Variants in PHACTR4 observed in about 807,000 individuals in gnomAD.
PHACTR4 encodes the protein protein phosphatase 1, regulatory subunit 124.
PHACTR4 carries 51 observed loss-of-function variants against 72.7 expected under a neutral mutation model. That is an observed-to-expected ratio of 0.70 (90% CI 0.56 to 0.89). The LOEUF (loss-of-function observed/expected upper bound fraction) is 0.89. PHACTR4 is among the 40% of genes least tolerant of loss of function. The probability of loss-of-function intolerance (pLI) is 0.00; values close to 1 mark genes in which losing one functional copy is unlikely to be tolerated. For missense variants in PHACTR4, 731 were observed against 861.8 expected (o/e 0.85, Z 1.90); for synonymous variants, 255 against 302.5 (o/e 0.84, Z 1.63).
chr1:28,424,709 C>T (rs566963708), intron 2 of PHACTR4, among the ~76,000 whole-genome samples: 1 of 151,548 alleles, frequency 6.6e-6, no homozygotes, highest in East Asian at 1.9e-4. Context: ...AGGATGGTCT[C>T]GATATCCTGA....
At chr1:28,405,485 C>T (rs1654254566) in intron 1 of PHACTR4, among the ~76,000 whole-genome samples, 1 of 151,730 alleles carries the variant, frequency 6.6e-6, no homozygotes, top group Admixed American at 6.6e-5. Context: ...GGCCACCATG[C>T]CCAGCTAATT....
At chr1:28,493,925 A>G (rs1661182855) in intron 13 of PHACTR4, among the ~76,000 whole-genome samples, 1 of 152,206 alleles carries the variant, frequency 6.6e-6, no homozygotes, top group African/African-American at 2.4e-5. Context: ...AAGAAATCCA[A>G]CAAAGCCAAC....
chr1:28,470,869 A>T (rs1326871371), intron 6 of PHACTR4, among the ~76,000 whole-genome samples: 2 of 151,066 alleles, frequency 1.3e-5, no homozygotes, highest in Admixed American at 1.3e-4. Flanking sequence ...ACTAAAAATT[A>T]AAAAAATTAG....
At chr1:28,426,146 G>A (rs577266402) in intron 2 of PHACTR4, among the ~76,000 whole-genome samples, 59 of 152,092 alleles carry the variant, frequency 3.9e-4, no homozygotes, top group Non-Finnish European at 7.1e-4. Context: ...GCTTGAACCC[G>A]GGAGGCGGAG....
intron 2 of PHACTR4, among the ~76,000 whole-genome samples, chr1:28,417,951 A>C (rs1232158423): frequency 1.2e-5 from 1 of 82,258 alleles, no homozygotes; most frequent in African/African-American, 4.3e-5. Flanking sequence ...GACCCTACAA[A>C]AAAAAAAAAA....
intron 1 of PHACTR4, among the ~76,000 whole-genome samples, chr1:28,382,366 C>T (rs1311815412): frequency 3.3e-5 from 5 of 151,790 alleles, no homozygotes; most frequent in African/African-American, 7.3e-5. Context: ...TGCAGTGGCA[C>T]GATCTTGGCT....
Position 28,388,079 on chromosome 1 carries a change from T to C in PHACTR4, c.-39+18254T>C, listed in dbSNP as rs537448786. 3.4e-4 allele frequency among the ~76,000 whole-genome samples: 51 copies of C among 152,048 alleles called. 1 individual carries two copies. In the South Asian group the frequency reaches 0.011, roughly 32 times the overall value. On this transcript the variant is annotated intron_variant, in intron 1 of 13. Transcript: ENST00000373839. ...GGCAACGTGGGCCTGTGGTCTCAGCTACTTGGGAGCCTAAGGCAGGAAGAT... is the reference window on the plus strand; with the variant it reads ...GGCAACGTGGGCCTGTGGTCTCAGCCACTTGGGAGCCTAAGGCAGGAAGAT...
intron 1 of PHACTR4, among the ~76,000 whole-genome samples, chr1:28,389,057 A>G (rs191042536): frequency 2.0e-4 from 31 of 152,314 alleles, no homozygotes; most frequent in Admixed American, 3.9e-4. Context: ...AGCAAGGGAA[A>G]CAACAGAATG....
intron 8 of PHACTR4, 99 bp downstream of exon 8, chr1:28,476,390 T>G: frequency 2.0e-5 from 24 of 1,187,186 alleles, no homozygotes; most frequent in Non-Finnish European, 2.5e-5. Context: ...AACAGGTACC[T>G]TCTCCCATTA....
intron 9 of PHACTR4, among the ~76,000 whole-genome samples, chr1:28,484,214 A>G (rs1660475463): frequency 6.6e-6 from 1 of 152,026 alleles, no homozygotes; most frequent in Non-Finnish European, 1.5e-5. Context: ...CCAGCTACTC[A>G]GGACACTGAG....
intron 2 of PHACTR4, chr1:28,457,193 C>T: frequency 2.7e-6 from 1 of 365,448 alleles, no homozygotes; most frequent in East Asian, 7.8e-5. Context: ...AAAAACTTCC[C>T]TAAACCTCCA....
chr1:28,387,452 A>G (rs1391450732), intron 1 of PHACTR4, among the ~76,000 whole-genome samples: 1 of 152,120 alleles, frequency 6.6e-6, no homozygotes, highest in African/African-American at 2.4e-5. Flanking sequence ...TATAGAACCA[A>G]TCATAGGATA....
chr1:28,404,276 CTTTT>C (rs58454588), intron 1 of PHACTR4, among the ~76,000 whole-genome samples: 17 of 101,408 alleles, frequency 1.7e-4, no homozygotes, highest in Non-Finnish European at 3.0e-4. Context: ...TATGAACATC[CTTTT>C]TTTTTTTTTT....
At chr1:28,449,653 A>T (rs1368997558) in intron 2 of PHACTR4, among the ~76,000 whole-genome samples, 3 of 152,006 alleles carry the variant, frequency 2.0e-5, no homozygotes, top group Non-Finnish European at 4.4e-5. Flanking sequence ...GGAGTTTGAG[A>T]CCAGCCTGGC....
intron 13 of PHACTR4, 34 bp from the exon 14 acceptor site, chr1:28,496,500 T>C (rs1371925421): frequency 6.2e-7 from 1 of 1,610,580 alleles, no homozygotes; most frequent in Non-Finnish European, 8.5e-7. Flanking sequence ...ATGTACATCA[T>C]GTGGTAACTT....
chr1:28,476,406 T>C, intron 8 of PHACTR4, 115 bp downstream of exon 8: 1 of 1,073,598 alleles, frequency 9.3e-7, no homozygotes, highest in Non-Finnish European at 1.3e-6. Context: ...CATTAAGTCA[T>C]CTGGCTAACT....
intron 1 of PHACTR4, among the ~76,000 whole-genome samples, chr1:28,390,141 T>A (rs1652890405): frequency 6.6e-6 from 1 of 152,160 alleles, no homozygotes; most frequent in Non-Finnish European, 1.5e-5. Context: ...TGCATGCTCT[T>A]ATTTTGTTGT....
intron 12 of PHACTR4, among the ~76,000 whole-genome samples, 167 bp downstream of exon 12, chr1:28,491,954 G>C (rs1446052680): frequency 1.3e-5 from 2 of 152,106 alleles, no homozygotes; most frequent in Non-Finnish European, 2.9e-5. Context: ...AAGTCAAAAT[G>C]TTATACTAAC....
chr1:28,486,516 A>G (rs554452388), intron 9 of PHACTR4, among the ~76,000 whole-genome samples: 30 of 152,244 alleles, frequency 2.0e-4, no homozygotes, highest in Middle Eastern at 3.4e-3. Context: ...GTTATATCGT[A>G]TTAAAGCTGG....
Sources: gnomAD v4.1 joint callset for allele counts (sites outside exome capture counted in the v4.1 genomes callset) on GRCh38, gnomAD v4.1.1 for gene constraint, MANE v1.5 for transcripts, NCBI Gene and HGNC (gene_info 2026-07-23, HGNC 2026-07-21) for gene names.